DNAAF4: variants seen among roughly 807,000 people sequenced by gnomAD.
DNAAF4 encodes the protein dynein axonemal assembly factor 4.
In DNAAF4, 43 loss-of-function variants were observed where a neutral mutation model predicts 51.8. The ratio of observed to expected loss-of-function variants is 0.83; its 90% CI spans 0.65 to 1.07. The LOEUF is 1.07. DNAAF4 is among the 50% of genes least tolerant of loss of function. DNAAF4 has a pLI of 0.00. For missense variants in DNAAF4, 581 were observed against 493.0 expected, an observed-to-expected ratio of 1.18 and a Z score of -1.69; for synonymous variants, 194 against 165.6, an observed-to-expected ratio of 1.17 and a Z score of -1.32.
intron 2 of DNAAF4, 98 bp downstream of exon 2, chr15:55,498,109 A>C: frequency 6.3e-7 from 1 of 1,581,794 alleles, no homozygotes; most frequent in East Asian, 2.2e-5. Flanking sequence ...TAGGACGTTT[A>C]TCGGCAAAGA....
chr15:55,444,428 G>A (rs563392860), intron 6 of DNAAF4, among the ~76,000 whole-genome samples: 37 of 152,328 alleles, frequency 2.4e-4, no homozygotes, highest in East Asian at 9.6e-4. Context: ...TCAGTACCAT[G>A]CTGTTTTGGT....
intron 5 of DNAAF4, among the ~76,000 whole-genome samples, chr15:55,454,988 A>G (rs189998217): frequency 5.9e-5 from 9 of 151,756 alleles, no homozygotes; most frequent in Admixed American, 4.6e-4. Flanking sequence ...AATTATAGAT[A>G]AAGTACAGAT....
At chr15:55,473,219 ATATG>A (rs1180753631) in intron 4 of DNAAF4, among the ~76,000 whole-genome samples, 3,505 of 113,462 alleles carry the variant, frequency 0.031, 591 homozygotes, top group South Asian at 0.051. Context: ...ATATATATAT[ATATG>A]TGTGTGTGTA....
At chr15:55,437,025 G>C (rs690758) in intron 7 of DNAAF4, among the ~76,000 whole-genome samples, 16,264 of 149,798 alleles carry the variant, frequency 0.11, 1,632 homozygotes, top group East Asian at 0.54. Flanking sequence ...TCTCCTTGCT[G>C]TTCAGTCTGG....
At chr15:55,421,387 CAGCTACTCCAG>C (rs2057387056) in intron 7 of DNAAF4, among the ~76,000 whole-genome samples, 1 of 151,918 alleles carries the variant, frequency 6.6e-6, no homozygotes, top group South Asian at 2.1e-4. Flanking sequence ...CCTGTAATCC[CAGCTACTCCAG>C]AGGCTGAGGC....
chr15:55,451,978 G>A (rs1256461570), intron 5 of DNAAF4, among the ~76,000 whole-genome samples: 2 of 151,810 alleles, frequency 1.3e-5, no homozygotes, highest in African/African-American at 2.4e-5. Flanking sequence ...TGGGCGCAGC[G>A]GCTCACACCT....
chr15:55,469,737 A>T (rs1015379959), intron 4 of DNAAF4, among the ~76,000 whole-genome samples: 2 of 151,494 alleles, frequency 1.3e-5, no homozygotes, highest in Admixed American at 6.6e-5. Flanking sequence ...TGATCCGCCC[A>T]CCTTGACCTC....
intron 4 of DNAAF4, among the ~76,000 whole-genome samples, chr15:55,486,891 C>T (rs907967502): frequency 6.6e-6 from 1 of 152,154 alleles, no homozygotes; most frequent in African/African-American, 2.4e-5. Flanking sequence ...ACCTTTCCCT[C>T]TTTACTGGCT....
intron 6 of DNAAF4, among the ~76,000 whole-genome samples, chr15:55,441,514 T>C (rs2057713332): frequency 6.6e-6 from 1 of 152,132 alleles, no homozygotes; most frequent in African/African-American, 2.4e-5. Flanking sequence ...GCTGCACCCA[T>C]TAACTCGTCA....
intron 6 of DNAAF4, chr15:55,442,761 G>A: frequency 6.3e-7 from 1 of 1,588,946 alleles, no homozygotes; most frequent in Non-Finnish European, 8.6e-7. Context: ...TATCAAGTTG[G>A]CTATTTATCC....
At chr15:55,433,897 A>C (rs1417149027) in intron 8 of DNAAF4, among the ~76,000 whole-genome samples, 1 of 35,510 alleles carries the variant, frequency 2.8e-5, no homozygotes, top group Non-Finnish European at 4.7e-5. Flanking sequence ...TATATATATT[A>C]TATATATTAT....
At chr15:55,427,171 A>G (rs1595885810), downstream of DNAAF4, among the ~76,000 whole-genome samples, 1 of 151,904 alleles carries the variant, frequency 6.6e-6, no homozygotes. Context: ...GGTTCAAGCA[A>G]TTCTCTGCCT....
intron 5 of DNAAF4, 56 bp downstream of exon 5, chr15:55,466,874 G>C: frequency 6.4e-7 from 1 of 1,564,318 alleles, no homozygotes; most frequent in Non-Finnish European, 8.6e-7. Context: ...AAAGAAAAGC[G>C]TCATATATAC....
intron 4 of DNAAF4, among the ~76,000 whole-genome samples, chr15:55,476,781 T>C (rs1236960625): frequency 6.6e-6 from 1 of 152,020 alleles, no homozygotes; most frequent in Non-Finnish European, 1.5e-5. Flanking sequence ...GTCAAATTCA[T>C]AGAAAAAGTA....
chr15:55,487,878 A>G (rs1373082755), intron 4 of DNAAF4, among the ~76,000 whole-genome samples: 2 of 152,136 alleles, frequency 1.3e-5, no homozygotes, highest in African/African-American at 4.8e-5. Context: ...CTCTCTTTCC[A>G]AGAAGTATAG....
At chr15:55,489,477 C>A (rs116151882) in intron 4 of DNAAF4, among the ~76,000 whole-genome samples, 2,805 of 152,084 alleles carry the variant, frequency 0.018, 79 homozygotes, top group African/African-American at 0.064. Context: ...AGCTCGACAC[C>A]AACCTGGCCA....
rs373982779 is a variant in DNAAF4 at position 55,435,016 on chromosome 15, T to C, written c.936A>G (p.Ala312=). 5 of 1,611,240 alleles carry C rather than the reference T, an allele frequency of 3.1e-6. No homozygotes were observed. Among genetic ancestry groups the C allele is most frequent in the Middle Eastern group, 1.7e-4 (1 of 5,984 alleles). ...ATENYLAAIN[A]YNLAIRLNNK... Reference sequence around the variant, plus strand: ...TATTTAGTCTTATGGCTAAATTATATGCATTGATAGCTGCCAAATAGTTTT... The same window carrying C: ...TATTTAGTCTTATGGCTAAATTATACGCATTGATAGCTGCCAAATAGTTTT... Residue 312 remains alanine, a synonymous_variant, in exon 8 of 10, where the codon GCA becomes GCG. Transcript: ENST00000321149.
chr15:55,484,035 A>G (rs1055113972), intron 4 of DNAAF4, among the ~76,000 whole-genome samples: 2 of 151,852 alleles, frequency 1.3e-5, no homozygotes, highest in East Asian at 3.9e-4. Context: ...CAAAACCACA[A>G]TGAGATACCA....
chr15:55,431,363 C>T (rs1283681594), intron 9 of DNAAF4, among the ~76,000 whole-genome samples: 5 of 27,730 alleles, frequency 1.8e-4, no homozygotes, highest in African/African-American at 5.9e-4. Flanking sequence ...TGTGTATACA[C>T]ACACACACAC....
Sources: gnomAD v4.1 joint callset for allele counts (sites outside exome capture counted in the v4.1 genomes callset) on GRCh38, gnomAD v4.1.1 for gene constraint, MANE v1.5 for transcripts, NCBI Gene and HGNC (gene_info 2026-07-23, HGNC 2026-07-21) for gene names.